FMNL2: variants seen among roughly 807,000 people sequenced by gnomAD.
FMNL2 encodes formin-like protein 2.
In FMNL2, 51 loss-of-function variants were observed where a neutral mutation model predicts 130.2. That is an observed-to-expected ratio of 0.39 (90% confidence interval 0.31 to 0.49). The LOEUF is 0.49. Ranked by LOEUF, FMNL2 falls within the 20% of genes least tolerant of loss-of-function variation. FMNL2 has a pLI of 0.85. For missense variants in FMNL2, 977 were observed against 1,316.2 expected (o/e 0.74, Z 3.99); for synonymous variants, 465 against 467.1 (o/e 1.00, Z 0.06).
At chr2:152,418,149 G>T (rs1212839283) in intron 1 of FMNL2, among the ~76,000 whole-genome samples, 1 of 152,110 alleles carries the variant, frequency 6.6e-6, no homozygotes, top group African/African-American at 2.4e-5. Context: ...CCCAGCAAAT[G>T]CATTAATTTT....
At chr2:152,349,057 G>T (rs908267227) in intron 1 of FMNL2, among the ~76,000 whole-genome samples, 3 of 125,656 alleles carry the variant, frequency 2.4e-5, no homozygotes, top group Non-Finnish European at 5.2e-5. Flanking sequence ...GGATGGTCTC[G>T]ATCTCCTGAC....
intron 2 of FMNL2, among the ~76,000 whole-genome samples, chr2:152,530,828 AAAC>A (rs1301560260): frequency 3.9e-5 from 6 of 152,202 alleles, no homozygotes; most frequent in African/African-American, 1.4e-4. Flanking sequence ...TGCAGTAGTA[AAAC>A]AACATTTATT....
At chr2:152,500,844 A>T (rs1471943479) in intron 1 of FMNL2, among the ~76,000 whole-genome samples, 3 of 152,180 alleles carry the variant, frequency 2.0e-5, no homozygotes, top group African/African-American at 7.2e-5. Flanking sequence ...AAACAAAAAA[A>T]CCAGGCATCA....
Position 152,335,510 on chromosome 2 carries a change from C to T in FMNL2, c.-94C>T. 1.0e-6 allele frequency: 1 copy of T among 958,984 alleles called. No individual in the cohort carries two copies. The highest frequency in any genetic ancestry group is 1.5e-6 in the Non-Finnish European group (1 of 680,316). The allele number at this position is 958,984 out of a possible 1,614,324, so 59.4% of individuals were successfully genotyped here. A position where few individuals can be genotyped will look rare whatever the true frequency, so the allele number is the denominator to read the frequency against. On this transcript the variant is annotated 5_prime_UTR_variant, in exon 1 of 26. Coordinates refer to ENST00000288670, the MANE Select transcript of FMNL2 (RefSeq NM_052905.4). The stretch of plus-strand genomic sequence containing the variant: ...AGGGCGGGGAGCCGGGCAGGTCGCG[C>T]CTGCGGGCGGCAGCCGACCGCCGGG...
intron 9 of FMNL2, among the ~76,000 whole-genome samples, chr2:152,595,903 A>T (rs1352356727): frequency 2.6e-5 from 4 of 151,840 alleles, no homozygotes; most frequent in Non-Finnish European, 5.9e-5. Flanking sequence ...TTTCCATCCA[A>T]CCTGATAAGT....
chr2:152,486,210 G>T (rs1690821682), intron 1 of FMNL2, among the ~76,000 whole-genome samples: 1 of 152,200 alleles, frequency 6.6e-6, no homozygotes, highest in African/African-American at 2.4e-5. Flanking sequence ...ATCAGCAAAA[G>T]AAATCGCTGT....
chr2:152,593,902 TGAGAGAGA>T lies in FMNL2; in HGVS notation c.876+12871_876+12878del, dbSNP rs143746034. On this transcript the variant is annotated intron_variant, in intron 9 of 25. Coordinates refer to ENST00000288670, the MANE Select transcript of FMNL2 (RefSeq NM_052905.4). Reference sequence around the variant, plus strand: ...GTGTGTGTGTGTGTGTGTGTGTGTGTGAGAGAGAGAGAGAGAGAGAGAGAGCGAGAGAG... The same window carrying T: ...GTGTGTGTGTGTGTGTGTGTGTGTGTGAGAGAGAGAGAGAGAGCGAGAGAG... 2.7e-3 allele frequency among the ~76,000 whole-genome samples: 217 copies of T among 81,614 alleles called. 1 individual carries two copies. Among genetic ancestry groups the T allele is most frequent in the Middle Eastern group, 7.4e-3 (1 of 136 alleles). 53.5% of individuals were successfully genotyped at this position (81,614 alleles called of 152,430 possible). A position where few individuals can be genotyped will look rare whatever the true frequency, so the allele number is the denominator to read the frequency against.
At chr2:152,521,292 T>G (rs995434375) in intron 1 of FMNL2, among the ~76,000 whole-genome samples, 1 of 152,184 alleles carries the variant, frequency 6.6e-6, no homozygotes, top group Non-Finnish European at 1.5e-5. Flanking sequence ...GAGGAGGGTT[T>G]ATACGAGTGC....
rs371619419 is a variant in FMNL2 at position 152,498,192 on chromosome 2, C to T, written c.118-23751C>T. Among the ~76,000 whole-genome samples, 52 of 152,154 alleles carry T rather than the reference C, an allele frequency of 3.4e-4. 1 individual carries two copies. Among genetic ancestry groups the T allele is most frequent in the African/African-American group, 1.2e-3 (51 of 41,502 alleles). On this transcript the variant is annotated intron_variant, in intron 1 of 25. Transcript: ENST00000288670. ...GGAGATGATAATATATGACATGTGCCCCAGAAAGCAGGAATCTTGGAGGCT... is the reference window on the plus strand; with the variant it reads ...GGAGATGATAATATATGACATGTGCTCCAGAAAGCAGGAATCTTGGAGGCT...
chr2:152,368,923 GT>G (rs11342086), intron 1 of FMNL2, among the ~76,000 whole-genome samples: 150,435 of 152,270 alleles, frequency 0.99, 74,337 homozygotes, highest in Middle Eastern at 1. Context: ...TACATTTGTG[GT>G]TTTTTGTGTG....
intron 4 of FMNL2, among the ~76,000 whole-genome samples, 182 bp from the exon 5 acceptor site, chr2:152,558,558 T>G (rs1695351631): frequency 1.3e-5 from 2 of 152,188 alleles, no homozygotes; most frequent in African/African-American, 4.8e-5. Flanking sequence ...AAGTTGTGGT[T>G]TTCTTAGTTA....
intron 1 of FMNL2, among the ~76,000 whole-genome samples, chr2:152,441,199 A>C (rs1688029544): frequency 6.6e-6 from 1 of 152,212 alleles, no homozygotes; most frequent in Non-Finnish European, 1.5e-5. Flanking sequence ...CCTCTTTAGG[A>C]AGTTAAACAG....
At position 152,619,569 on chromosome 2, in the gene FMNL2, C is replaced by T; in HGVS notation, c.1688C>T (p.Pro563Leu). Residue 563 changes from proline to leucine, a missense_variant, in exon 15 of 26, where the codon CCT becomes CTT. By Grantham distance (98) the Pro-to-Leu change is moderately conservative. Transcript: ENST00000288670. Reference protein sequence around the residue: ...PPPPPPPPPPPPPPPPPPPPP... With the variant: ...PPPPPPPPPPLPPPPPPPPPP... ...CCGCCGCCGCCCCCTCCTCCACCTC[C>T]TCCTCCCCCACCGCCCCCTCCGCCT... 6.7e-7 allele frequency: 1 copy of T among 1,502,006 alleles called. No individual in the cohort carries two copies. The highest frequency in any genetic ancestry group is 1.2e-5 in the South Asian group (1 of 82,038). The allele number at this position is 1,502,006 out of a possible 1,614,324, so 93.0% of individuals were successfully genotyped here.
intron 13 of FMNL2, among the ~76,000 whole-genome samples, chr2:152,618,296 G>A (rs151069829): frequency 6.6e-6 from 1 of 152,178 alleles, no homozygotes; most frequent in East Asian, 1.9e-4. Context: ...TACAACAATC[G>A]CTATCCTGAG....
chr2:152,472,210 C>T (rs1310745122), intron 1 of FMNL2, among the ~76,000 whole-genome samples: 1 of 152,166 alleles, frequency 6.6e-6, no homozygotes, highest in Non-Finnish European at 1.5e-5. Context: ...ATAGAAACCT[C>T]CCAGCAGTGT....
At chr2:152,544,959 G>A (rs1489670958) in intron 3 of FMNL2, among the ~76,000 whole-genome samples, 1 of 152,208 alleles carries the variant, frequency 6.6e-6, no homozygotes, top group Non-Finnish European at 1.5e-5. Context: ...AACTGGAGCA[G>A]GACATAAGAT....
At chr2:152,375,877 C>CTCTCTCTCTCTCTCTCTATATATATA (rs796954245) in intron 1 of FMNL2, among the ~76,000 whole-genome samples, 1 of 112,482 alleles carries the variant, frequency 8.9e-6, no homozygotes, top group Non-Finnish European at 1.7e-5. Flanking sequence ...CTCTCTCTCT[C>CTCTCTCTCTCTCTCTCTATATATATA]TATATATATA....
intron 1 of FMNL2, among the ~76,000 whole-genome samples, chr2:152,431,965 T>TAAA (rs60639670): frequency 6.1e-5 from 5 of 82,168 alleles, no homozygotes; most frequent in African/African-American, 1.3e-4. Context: ...ACCCTATCTT[T>TAAA]AAAAAAAAAA....
At position 152,412,449 on chromosome 2, in the gene FMNL2, TATATATATATATATATA is replaced by T. The variant is rs1686351451; in HGVS notation, c.117+76730_117+76746del. On this transcript the variant is annotated intron_variant, in intron 1 of 25. Coordinates refer to ENST00000288670, the MANE Select transcript of FMNL2 (RefSeq NM_052905.4). The stretch of plus-strand genomic sequence containing the variant: ...CTCTTACTTTCTTCTGTATATTTTA[TATATATATATATATATA>T]TATATATATATATATATATATATAT... Among the ~76,000 whole-genome samples, 24 of 10,340 alleles carry T rather than the reference TATATATATATATATATA, an allele frequency of 2.3e-3. 1 individual carries two copies. The highest frequency in any genetic ancestry group is 4.8e-3 in the South Asian group (2 of 420). The allele number at this position is 10,340 out of a possible 152,430, so 6.8% of individuals were successfully genotyped here.
Sources: gnomAD v4.1 joint callset for allele counts (sites outside exome capture counted in the v4.1 genomes callset) on GRCh38, gnomAD v4.1.1 for gene constraint, MANE v1.5 for transcripts, NCBI Gene and HGNC (gene_info 2026-07-23, HGNC 2026-07-21) for gene names.